The following PDE4D variants were observed in gnomAD, a reference collection of about 807,000 sequenced individuals.
The protein encoded by PDE4D is 3',5'-cyclic-AMP phosphodiesterase 4D.
In PDE4D, 24 loss-of-function variants were observed where a neutral mutation model predicts 87.4. The ratio of observed to expected loss-of-function variants is 0.27; its 90% CI spans 0.20 to 0.39. PDE4D has a LOEUF of 0.39. Among genes scored for constraint, PDE4D ranks in the 10% least tolerant of loss-of-function variants. The pLI, the probability that PDE4D is intolerant of heterozygous loss-of-function variation, is 1.00. For synonymous variants in PDE4D, 384 were observed against 383.2 expected (o/e 1.00, Z -0.02); for missense variants, 714 against 1,041.0 (o/e 0.69, Z 4.32).
chr5:59,665,042 T>A lies in PDE4D; in HGVS notation c.455+228126A>T, dbSNP rs536454955. On this transcript the variant is annotated intron_variant, in intron 1 of 14. Coordinates refer to ENST00000340635, the MANE Select transcript of PDE4D (RefSeq NM_001104631.2). ...ATCATGACCCTCTGCCCCTCTGTAG[T>A]GACATGTCCCCCTGAAATTTGACCC... Among the ~76,000 whole-genome samples the A allele has an allele frequency of 5.9e-5, 9 of 152,328 alleles. No individual in the cohort carries two copies. The South Asian group carries it at 1.9e-3, about 32-fold the overall frequency.
intron 1 of PDE4D, among the ~76,000 whole-genome samples, chr5:59,385,955 C>A (rs1242166187): frequency 6.6e-6 from 1 of 152,160 alleles, no homozygotes; most frequent in African/African-American, 2.4e-5. Flanking sequence ...GCTACATCTT[C>A]TCTCTCAGAG....
intron 5 of PDE4D, among the ~76,000 whole-genome samples, chr5:59,114,360 A>T (rs899893388): frequency 1.3e-5 from 2 of 152,148 alleles, no homozygotes; most frequent in Non-Finnish European, 2.9e-5. Flanking sequence ...TTTTCTGAAC[A>T]TGATAGCTGG....
chr5:59,135,742 C>T (rs989419260), intron 5 of PDE4D, among the ~76,000 whole-genome samples: 9 of 152,090 alleles, frequency 5.9e-5, no homozygotes, highest in African/African-American at 2.2e-4. Context: ...AACAGAAAAA[C>T]CACTGCCTGA....
intron 1 of PDE4D, among the ~76,000 whole-genome samples, chr5:60,481,884 T>C (rs1748757603): frequency 6.6e-6 from 1 of 152,198 alleles, no homozygotes; most frequent in Non-Finnish European, 1.5e-5. Context: ...ATTTTCCTAA[T>C]TTCTTCCAGA....
intron 1 of PDE4D, among the ~76,000 whole-genome samples, chr5:59,459,311 T>C (rs902373329): frequency 1.3e-5 from 2 of 152,162 alleles, no homozygotes; most frequent in Non-Finnish European, 2.9e-5. Context: ...TATTCTTACA[T>C]CAGAAAAGAC....
At chr5:59,104,415 T>C (rs1487005178) in intron 5 of PDE4D, among the ~76,000 whole-genome samples, 4 of 152,246 alleles carry the variant, frequency 2.6e-5, no homozygotes, top group South Asian at 2.1e-4. Flanking sequence ...GTGATTACTG[T>C]AGTGTTTCTC....
At chr5:59,772,736 A>G (rs1194892883) in intron 1 of PDE4D, among the ~76,000 whole-genome samples, 1 of 152,218 alleles carries the variant, frequency 6.6e-6, no homozygotes, top group East Asian at 1.9e-4. Flanking sequence ...ACTATGTTCT[A>G]ATTAGATAAA....
chr5:59,243,504 G>T (rs889245713), intron 1 of PDE4D, among the ~76,000 whole-genome samples: 21 of 112,840 alleles, frequency 1.9e-4, no homozygotes, highest in Admixed American at 1.4e-4. Context: ...TTGTTGCCCA[G>T]GCTGGAGTGC....
chr5:60,106,236 C>A (rs1388967259), intron 2 of PDE4D, among the ~76,000 whole-genome samples: 1 of 151,496 alleles, frequency 6.6e-6, no homozygotes, highest in African/African-American at 2.4e-5. Flanking sequence ...GACTTTAAAC[C>A]AACAAAGATC....
intron 11 of PDE4D, among the ~76,000 whole-genome samples, chr5:58,984,481 T>C (rs79114217): frequency 2.5e-3 from 374 of 152,362 alleles, no homozygotes; most frequent in African/African-American, 7.0e-3. Flanking sequence ...TCTGTAGCTA[T>C]ATCTATATAA....
intron 5 of PDE4D, among the ~76,000 whole-genome samples, chr5:59,158,788 C>T (rs960507930): frequency 1.4e-4 from 22 of 152,172 alleles, no homozygotes; most frequent in African/African-American, 4.6e-4. Flanking sequence ...TGGGATTATA[C>T]CCCTGGTCTT....
chr5:59,757,897 A>G (rs1394494319), intron 1 of PDE4D, among the ~76,000 whole-genome samples: 1 of 152,194 alleles, frequency 6.6e-6, no homozygotes, highest in African/African-American at 2.4e-5. Context: ...TATTTTTATA[A>G]GAATATTTTA....
chr5:60,139,485 T>C (rs916369871), intron 2 of PDE4D, among the ~76,000 whole-genome samples: 81 of 152,066 alleles, frequency 5.3e-4, no homozygotes, highest in African/African-American at 1.9e-3. Flanking sequence ...TTTAAACCTA[T>C]AAAAGGACCA....
intron 1 of PDE4D, among the ~76,000 whole-genome samples, chr5:59,610,684 A>G (rs546198400): frequency 3.9e-5 from 6 of 152,324 alleles, no homozygotes; most frequent in African/African-American, 1.2e-4. Flanking sequence ...TATGCACATT[A>G]GTCCTTTGGA....
At chr5:59,804,307 T>A (rs1319015305) in intron 1 of PDE4D, among the ~76,000 whole-genome samples, 3 of 152,226 alleles carry the variant, frequency 2.0e-5, no homozygotes, top group Admixed American at 6.5e-5. Context: ...TCTCTTAGAA[T>A]AAATGGCCTC....
At chr5:60,295,298 T>C (rs1753278940) in intron 1 of PDE4D, among the ~76,000 whole-genome samples, 1 of 152,256 alleles carries the variant, frequency 6.6e-6, no homozygotes, top group African/African-American at 2.4e-5. Flanking sequence ...CATACGTGAA[T>C]AAAAGCTGCT....
chr5:59,010,068 G>A (rs933138826), intron 6 of PDE4D, among the ~76,000 whole-genome samples: 3 of 152,224 alleles, frequency 2.0e-5, no homozygotes, highest in Non-Finnish European at 4.4e-5. Context: ...GCTCATGCCT[G>A]TAATCCTAGC....
chr5:59,127,828 C>T lies in PDE4D; in HGVS notation c.808+52767G>A, dbSNP rs139135051. 4.0e-3 allele frequency among the ~76,000 whole-genome samples: 611 copies of T among 151,976 alleles called. 8 individuals carry two copies. The highest frequency in any genetic ancestry group is 0.013 in the African/African-American group (558 of 41,406). On this transcript the variant is annotated intron_variant, in intron 5 of 14. Transcript: ENST00000340635. Reference sequence around the variant, plus strand: ...CCTGGGCTCTCAGCAAAATGTGGACCGGATTCTGAAACGCAAAGGACTCCC... The same window carrying T: ...CCTGGGCTCTCAGCAAAATGTGGACTGGATTCTGAAACGCAAAGGACTCCC...
intron 1 of PDE4D, among the ~76,000 whole-genome samples, chr5:59,750,757 G>A (rs1760322475): frequency 6.6e-6 from 1 of 151,998 alleles, no homozygotes; most frequent in African/African-American, 2.4e-5. Flanking sequence ...GCAACATAGT[G>A]AGACCCCCAT....
Sources: allele counts gnomAD v4.1 joint callset (sites outside exome capture counted in the v4.1 genomes callset), GRCh38; gene constraint gnomAD v4.1.1; transcripts MANE v1.5; gene names NCBI Gene and HGNC (gene_info 2026-07-23, HGNC 2026-07-21).